Variants in LRRC4C observed in about 807,000 individuals in gnomAD.
LRRC4C encodes the protein leucine-rich repeat-containing protein 4C.
In LRRC4C, 5 loss-of-function variants were observed where a neutral mutation model predicts 33.6. The ratio of observed to expected loss-of-function variants is 0.15; its 90% CI spans 0.08 to 0.31. The LOEUF is 0.31. LRRC4C is among the 10% of genes least tolerant of loss of function. LRRC4C has a pLI of 1.00. For missense variants in LRRC4C, 560 were observed against 796.7 expected (o/e 0.70, Z 3.58); for synonymous variants, 329 against 302.0 (o/e 1.09, Z -0.93).
chr11:40,670,810 C>T (rs1428037348), intron 2 of LRRC4C, among the ~76,000 whole-genome samples: 1 of 152,160 alleles, frequency 6.6e-6, no homozygotes, highest in Non-Finnish European at 1.5e-5. Context: ...GTCGCCCAGG[C>T]TGGAGTGCAG....
At chr11:41,331,789 C>T (rs1201893490) in intron 1 of LRRC4C, among the ~76,000 whole-genome samples, 1 of 152,100 alleles carries the variant, frequency 6.6e-6, no homozygotes, top group Non-Finnish European at 1.5e-5. Context: ...GACAAACGAA[C>T]CCCAGGGTAG....
At chr11:40,738,418 T>C (rs1425071073) in intron 2 of LRRC4C, among the ~76,000 whole-genome samples, 1 of 152,148 alleles carries the variant, frequency 6.6e-6, no homozygotes, top group Non-Finnish European at 1.5e-5. Context: ...TCTTTCTATG[T>C]ACTATCTCTC....
chr11:40,947,222 G>A (rs776816868), intron 1 of LRRC4C, among the ~76,000 whole-genome samples: 5 of 152,020 alleles, frequency 3.3e-5, no homozygotes, highest in Non-Finnish European at 7.4e-5. Flanking sequence ...AATTAATCTT[G>A]TTTAGAAAAA....
chr11:40,763,351 A>G (rs1949313724), intron 2 of LRRC4C, among the ~76,000 whole-genome samples: 1 of 152,130 alleles, frequency 6.6e-6, no homozygotes, highest in Admixed American at 6.6e-5. Context: ...GAACTGCAGA[A>G]GAATAACTAT....
At chr11:40,310,928 C>T (rs1266475394) in intron 4 of LRRC4C, among the ~76,000 whole-genome samples, 1 of 152,130 alleles carries the variant, frequency 6.6e-6, no homozygotes, top group Non-Finnish European at 1.5e-5. Flanking sequence ...AAACCATATG[C>T]ATTAATTCGG....
intron 3 of LRRC4C, among the ~76,000 whole-genome samples, chr11:40,647,641 G>A (rs566349366): frequency 1.1e-4 from 17 of 152,142 alleles, no homozygotes; most frequent in Middle Eastern, 3.4e-3. Flanking sequence ...AAAGCTTTCC[G>A]ATCTCCCCAG....
chr11:41,150,520 G>T (rs977022401), intron 1 of LRRC4C, among the ~76,000 whole-genome samples: 1 of 151,932 alleles, frequency 6.6e-6, no homozygotes, highest in Non-Finnish European at 1.5e-5. Flanking sequence ...TGCCAGGCGC[G>T]GTGGCTCACG....
At chr11:40,780,802 A>G (rs1198882696) in intron 2 of LRRC4C, among the ~76,000 whole-genome samples, 1 of 150,612 alleles carries the variant, frequency 6.6e-6, no homozygotes, top group African/African-American at 2.4e-5. Flanking sequence ...TTTTTTTTTA[A>G]TACGAGGAAG....
intron 3 of LRRC4C, among the ~76,000 whole-genome samples, chr11:40,401,234 C>CCTCT (rs146489901): frequency 1.8e-4 from 26 of 148,302 alleles, no homozygotes; most frequent in Admixed American, 7.4e-4. Context: ...AGTCAATCTC[C>CCTCT]CTCTCTCTCT....
At chr11:40,204,837 CT>C (rs1408424000) in intron 5 of LRRC4C, among the ~76,000 whole-genome samples, 1 of 152,166 alleles carries the variant, frequency 6.6e-6, no homozygotes, top group Non-Finnish European at 1.5e-5. Flanking sequence ...GCCTGCTTAG[CT>C]TTGGCCAGTG....
intron 3 of LRRC4C, among the ~76,000 whole-genome samples, chr11:40,590,403 C>A (rs1958984323): frequency 1.3e-5 from 2 of 148,176 alleles, no homozygotes; most frequent in South Asian, 2.2e-4. Context: ...AAGTTTTCAA[C>A]TTCTTTGCCT....
At chr11:40,481,633 C>T (rs1224000696) in intron 3 of LRRC4C, among the ~76,000 whole-genome samples, 1 of 151,850 alleles carries the variant, frequency 6.6e-6, no homozygotes, top group Admixed American at 6.6e-5. Context: ...TTTATGGACC[C>T]CATACAATAC....
chr11:40,906,288 A>C (rs953313186), intron 2 of LRRC4C, among the ~76,000 whole-genome samples: 6 of 152,222 alleles, frequency 3.9e-5, no homozygotes, highest in Admixed American at 2.6e-4. Context: ...AGGCGGGTGA[A>C]TCACCTGAGG....
intron 2 of LRRC4C, among the ~76,000 whole-genome samples, chr11:40,873,812 T>A (rs1954759907): frequency 6.6e-6 from 1 of 152,188 alleles, no homozygotes; most frequent in South Asian, 2.1e-4. Context: ...TCTGCCTTCT[T>A]TGACATCGCA....
At chr11:40,899,512 T>G (rs567924817) in intron 2 of LRRC4C, among the ~76,000 whole-genome samples, 15 of 152,304 alleles carry the variant, frequency 9.8e-5, no homozygotes, top group African/African-American at 3.6e-4. Flanking sequence ...TTTATTTTTT[T>G]AAACAGCTAG....
intron 3 of LRRC4C, among the ~76,000 whole-genome samples, chr11:40,624,364 T>C (rs1000060194): frequency 6.6e-6 from 1 of 152,080 alleles, no homozygotes; most frequent in Non-Finnish European, 1.5e-5. Flanking sequence ...GAATTAAAAA[T>C]CAGATGAGGA....
intron 4 of LRRC4C, among the ~76,000 whole-genome samples, chr11:40,304,114 T>A (rs1436690512): frequency 6.6e-6 from 1 of 152,158 alleles, no homozygotes; most frequent in African/African-American, 2.4e-5. Flanking sequence ...AAGTCAACTA[T>A]TTCAGAAGCT....
At chr11:40,662,975 TA>T (rs1413564538) in intron 2 of LRRC4C, among the ~76,000 whole-genome samples, 1 of 152,254 alleles carries the variant, frequency 6.6e-6, no homozygotes, top group Non-Finnish European at 1.5e-5. Context: ...AGTTCTGAAA[TA>T]ATTTCATAAG....
chr11:41,133,561 G>T (rs1943118586), intron 1 of LRRC4C, among the ~76,000 whole-genome samples: 2 of 140,342 alleles, frequency 1.4e-5, no homozygotes, highest in Admixed American at 1.5e-4. Flanking sequence ...TGAGTTTTCA[G>T]TCATAATGGG....
Sources: gnomAD v4.1 joint callset for allele counts (sites outside exome capture counted in the v4.1 genomes callset) on GRCh38, gnomAD v4.1.1 for gene constraint, MANE v1.5 for transcripts, NCBI Gene and HGNC (gene_info 2026-07-23, HGNC 2026-07-21) for gene names.